UTY: variants seen among roughly 807,000 people sequenced by gnomAD.
UTY encodes histone demethylase UTY.
Under a neutral mutation model 32.5 loss-of-function variants are expected in UTY, and 12 were observed. That is an observed-to-expected ratio of 0.37 (90% CI 0.24 to 0.60). The LOEUF is 0.60. UTY is among the 20% of genes least tolerant of loss of function. The pLI is 0.69. For synonymous variants in UTY, 131 were observed against 103.4 expected, an observed-to-expected ratio of 1.27 and a Z score of -1.62; for missense variants, 303 against 299.2, an observed-to-expected ratio of 1.01 and a Z score of -0.09.
intron 6 of UTY, among the ~76,000 whole-genome samples, chrY:13,402,591 C>G: frequency 3.0e-5 from 1 of 33,290 alleles, no homozygotes; most frequent in Non-Finnish European, 7.4e-5. Context: ...GTCCCATACC[C>G]TGTCAGCCAA....
At chrY:13,339,274 T>G in intron 17 of UTY, among the ~76,000 whole-genome samples, 1 of 33,445 alleles carries the variant, frequency 3.0e-5, no homozygotes, top group East Asian at 8.0e-4. Flanking sequence ...GCCAGTGGGC[T>G]AGAGCCCTGG....
chrY:13,302,697 G>A (rs2058441155), intron 25 of UTY, among the ~76,000 whole-genome samples, 180 bp downstream of exon 25: 3 of 33,919 alleles, frequency 8.8e-5, no homozygotes, highest in Admixed American at 5.4e-4. Context: ...TGCTTAGCAT[G>A]ACATCTTTTC....
At chrY:13,324,332 T>A (rs2060050356) in intron 20 of UTY, among the ~76,000 whole-genome samples, 1 of 32,984 alleles carries the variant, frequency 3.0e-5, no homozygotes, top group Non-Finnish European at 7.5e-5. Flanking sequence ...CTGCCTCCAT[T>A]CTATTCAAAG....
At chrY:13,390,920 A>C (rs2067498979) in intron 8 of UTY, among the ~76,000 whole-genome samples, 2 of 33,808 alleles carry the variant, frequency 5.9e-5, no homozygotes, top group Admixed American at 2.7e-4. Context: ...TAGGAAAACC[A>C]AAAGAACCTA....
At chrY:13,254,482 C>T in intron 28 of UTY, among the ~76,000 whole-genome samples, 5 of 33,435 alleles carry the variant, frequency 1.5e-4, no homozygotes, top group African/African-American at 4.7e-4. Context: ...TTTCGGGAAA[C>T]GCCATGAGAG....
At chrY:13,407,006 A>G (rs2070153854) in intron 6 of UTY, among the ~76,000 whole-genome samples, 1 of 31,550 alleles carries the variant, frequency 3.2e-5, no homozygotes, top group African/African-American at 1.2e-4. Flanking sequence ...CATTAAATCA[A>G]GTAGTTGTAC....
intron 24 of UTY, among the ~76,000 whole-genome samples, chrY:13,304,698 A>C: frequency 3.0e-5 from 1 of 32,901 alleles, no homozygotes; most frequent in African/African-American, 1.2e-4. Flanking sequence ...TCTTGATGAC[A>C]CAAGAACACA....
intron 25 of UTY, 59 bp downstream of exon 25, chrY:13,302,818 T>C (rs761746759): frequency 8.6e-6 from 2 of 233,250 alleles, no homozygotes; most frequent in Admixed American, 1.7e-4. Flanking sequence ...CTTTGCACTT[T>C]GTCCTTTATG....
At chrY:13,470,357 G>T in intron 2 of UTY, 128 bp from the exon 3 acceptor site, 1 of 127,788 alleles carries the variant, frequency 7.8e-6, no homozygotes, top group Non-Finnish European at 1.4e-5. Context: ...ATAGGCATAG[G>T]ATTAAATTCG....
At chrY:13,398,377 T>G (rs2068511582) in intron 6 of UTY, among the ~76,000 whole-genome samples, 1 of 33,355 alleles carries the variant, frequency 3.0e-5, no homozygotes, top group Non-Finnish European at 7.4e-5. Flanking sequence ...AGTATCTGTA[T>G]GAAAGTAAAG....
rs768170970 is a variant in UTY at position 13,303,010 on chromosome Y, T to C, written c.3566-19A>G. ...TGGTGACCTGAAAAGTAAAAGAAAA[T>C]GTAAGTCACAATTGTAGCATAAATT... On this transcript the variant is annotated intron_variant, in intron 24 of 29. Transcript: ENST00000545955. The C allele has an allele frequency of 2.2e-4, 63 of 284,819 alleles. No homozygotes were observed. 71.0% of individuals were successfully genotyped at this position (284,819 alleles called of 400,897 possible).
At chrY:13,326,125 G>A in intron 19 of UTY, 96 bp downstream of exon 19, 1 of 313,719 alleles carries the variant, frequency 3.2e-6, no homozygotes, top group East Asian at 1.0e-4. Flanking sequence ...TGCTCCCTAA[G>A]GCAATCTGGC....
At chrY:13,432,202 G>A in intron 4 of UTY, among the ~76,000 whole-genome samples, 1 of 33,489 alleles carries the variant, frequency 3.0e-5, no homozygotes, top group East Asian at 7.8e-4. Context: ...AAATACCAAT[G>A]ACGGTCTTCA....
chrY:13,286,573 C>T, intron 27 of UTY: 1 of 361,118 alleles, frequency 2.8e-6, no homozygotes, highest in South Asian at 3.3e-5. Flanking sequence ...TTGGGAGGTG[C>T]TTGTGTGCCT....
intron 8 of UTY, among the ~76,000 whole-genome samples, chrY:13,371,800 G>A: frequency 3.0e-5 from 1 of 33,245 alleles, no homozygotes; most frequent in Non-Finnish European, 7.4e-5. Flanking sequence ...AAGTAAAGCT[G>A]ATGGAGAAGT....
intron 19 of UTY, 49 bp from the exon 20 acceptor site, chrY:13,324,755 A>C: frequency 3.3e-6 from 1 of 299,925 alleles, no homozygotes; most frequent in Non-Finnish European, 4.9e-6. Flanking sequence ...GACAAAATAT[A>C]CCTCAGATTT....
intron 4 of UTY, among the ~76,000 whole-genome samples, chrY:13,436,655 G>T: frequency 6.2e-5 from 2 of 32,298 alleles, no homozygotes; most frequent in Admixed American, 5.5e-4. Flanking sequence ...GCTGACCCCC[G>T]CCAAAGGTTA....
chrY:13,461,439 G>A, intron 3 of UTY, among the ~76,000 whole-genome samples: 2 of 33,187 alleles, frequency 6.0e-5, no homozygotes, highest in African/African-American at 2.4e-4. Context: ...CTAGCATTAA[G>A]CATTCAAAAG....
In UTY at chrY:13,302,892, T is replaced by C; in HGVS notation, c.3665A>G (p.Asn1222Ser). The stretch of plus-strand genomic sequence containing the variant: ...AGAAACCTACTTTTCACAGAAGTCA[T>C]TCAGAACACCCCAATAATCTTCAGG... ...VVPEDYWGVL[N>S]DFCEKNNLNF... Residue 1222 changes from asparagine (N) to serine (S), a missense_variant, in exon 25 of 30, where the codon AAT becomes AGT. Physicochemically the swap from Asn to Ser is conservative, Grantham distance 46. Coordinates refer to ENST00000545955, the MANE Select transcript of UTY (RefSeq NM_001258249.2). 2.6e-6 allele frequency: 1 copy of C among 388,612 alleles called. No homozygotes were observed. The highest frequency in any genetic ancestry group is 3.6e-6 in the Non-Finnish European group (1 of 274,586).
Sources: allele counts gnomAD v4.1 joint callset (sites outside exome capture counted in the v4.1 genomes callset), GRCh38; gene constraint gnomAD v4.1.1; transcripts MANE v1.5; gene names NCBI Gene and HGNC (gene_info 2026-07-23, HGNC 2026-07-21).